The following ERG variants were observed in gnomAD, a reference collection of about 807,000 sequenced individuals.
The protein encoded by ERG is ETS transcription factor ERG.
Under a neutral mutation model 55.3 loss-of-function variants are expected in ERG, and 9 were observed. That is an observed-to-expected ratio of 0.16 (90% CI 0.10 to 0.28). The LOEUF (loss-of-function observed/expected upper bound fraction) is 0.28. Among genes scored for constraint, ERG ranks in the 10% least tolerant of loss-of-function variants. The pLI is 1.00. For synonymous variants in ERG, 223 were observed against 237.3 expected (o/e 0.94, Z 0.55); for missense variants, 434 against 631.6 (o/e 0.69, Z 3.35).
At chr21:38,646,374 C>T (rs1001521120) in intron 1 of ERG, among the ~76,000 whole-genome samples, 9 of 151,694 alleles carry the variant, frequency 5.9e-5, no homozygotes, top group Non-Finnish European at 8.8e-5. Flanking sequence ...TCCTAGAAGA[C>T]AGGGCATTGC....
Position 38,381,594 on chromosome 21 carries a change from C to T in ERG, c.*1809G>A, listed in dbSNP as rs948381426. ...CTGTAAAGTGAGAAATTGCAGCTAT[C>T]CATGACGCTTTATTTGCCAGTAATA... On this transcript the variant is annotated 3_prime_UTR_variant, in exon 10 of 10. Coordinates refer to ENST00000288319, the MANE Select transcript of ERG (RefSeq NM_182918.4). The T allele has an allele frequency of 1.0e-5, 11 of 1,062,980 alleles. No individual in the cohort carries two copies. The highest frequency in any genetic ancestry group is 1.3e-5 in the Non-Finnish European group (11 of 877,906). 65.8% of individuals were successfully genotyped at this position (1,062,980 alleles called of 1,614,324 possible).
intron 9 of ERG, among the ~76,000 whole-genome samples, chr21:38,389,960 A>T (rs763063032): frequency 3.3e-5 from 5 of 150,932 alleles, no homozygotes; most frequent in African/African-American, 4.9e-5. Context: ...TCTTGCAGGG[A>T]TGTACACTGA....
intron 1 of ERG, among the ~76,000 whole-genome samples, chr21:38,470,387 C>A (rs570641895): frequency 1.3e-5 from 2 of 152,106 alleles, no homozygotes; most frequent in Admixed American, 1.3e-4. Context: ...TATCAGGGAT[C>A]TTATATGCTG....
chr21:38,637,282 C>T (rs2060395222), intron 1 of ERG, among the ~76,000 whole-genome samples: 6 of 152,018 alleles, frequency 3.9e-5, no homozygotes, highest in Admixed American at 3.9e-4. Flanking sequence ...AGAAAATGAC[C>T]CACCTGCGAA....
At chr21:38,420,667 T>A (rs1254035700) in intron 3 of ERG, among the ~76,000 whole-genome samples, 1 of 152,190 alleles carries the variant, frequency 6.6e-6, no homozygotes, top group Non-Finnish European at 1.5e-5. Context: ...ATATCTCTCT[T>A]ATTTTCTAAA....
intron 1 of ERG, among the ~76,000 whole-genome samples, chr21:38,644,159 A>G (rs969561506): frequency 6.6e-6 from 1 of 152,214 alleles, no homozygotes; most frequent in Non-Finnish European, 1.5e-5. Flanking sequence ...CAGGAAGAGG[A>G]AGAAGTGCAG....
chr21:38,624,340 G>T (rs145304350), intron 1 of ERG, among the ~76,000 whole-genome samples: 2 of 152,304 alleles, frequency 1.3e-5, no homozygotes, highest in East Asian at 3.9e-4. Flanking sequence ...AATACCTAAT[G>T]CATGCAGGGC....
chr21:38,590,326 G>A (rs2060092269), intron 1 of ERG, among the ~76,000 whole-genome samples: 1 of 152,174 alleles, frequency 6.6e-6, no homozygotes, highest in African/African-American at 2.4e-5. Flanking sequence ...AGTGGGAATG[G>A]GGAGGAGAGC....
At chr21:38,468,645 AC>A (rs1415152626) in intron 1 of ERG, among the ~76,000 whole-genome samples, 2 of 152,008 alleles carry the variant, frequency 1.3e-5, no homozygotes, top group South Asian at 2.1e-4. Context: ...TCATCAAGCC[AC>A]CCCAACAAAC....
intron 2 of ERG, among the ~76,000 whole-genome samples, chr21:38,520,661 T>C (rs1278934805): frequency 1.3e-5 from 2 of 152,116 alleles, no homozygotes; most frequent in Non-Finnish European, 2.9e-5. Flanking sequence ...ACCGCATCAT[T>C]CTAGGGGACG....
At chr21:38,581,344 C>T (rs188688554) in intron 1 of ERG, among the ~76,000 whole-genome samples, 31 of 152,336 alleles carry the variant, frequency 2.0e-4, no homozygotes, top group Admixed American at 3.9e-4. Context: ...GCCTTAGTTA[C>T]ACATTTGCAC....
At chr21:38,546,462 A>G (rs2059788435) in intron 2 of ERG, among the ~76,000 whole-genome samples, 1 of 152,184 alleles carries the variant, frequency 6.6e-6, no homozygotes, top group Admixed American at 6.5e-5. Flanking sequence ...CTTACTATGC[A>G]ATACGTTTTC....
intron 1 of ERG, among the ~76,000 whole-genome samples, chr21:38,468,181 G>T (rs1046425270): frequency 2.0e-5 from 3 of 152,076 alleles, no homozygotes; most frequent in African/African-American, 7.2e-5. Context: ...CCTATAGGTC[G>T]GCACCTTCCT....
At chr21:38,524,681 TGATAA>T (rs1321705529) in intron 2 of ERG, among the ~76,000 whole-genome samples, 4 of 152,092 alleles carry the variant, frequency 2.6e-5, no homozygotes, top group Admixed American at 2.0e-4. Context: ...ACAGGAGCAG[TGATAA>T]GATATTAGAT....
At chr21:38,391,406 G>A (rs1028706056) in intron 8 of ERG, among the ~76,000 whole-genome samples, 15 of 152,148 alleles carry the variant, frequency 9.9e-5, no homozygotes, top group African/African-American at 3.1e-4. Flanking sequence ...AAAATTAATG[G>A]ATCACAAAGA....
chr21:38,480,591 CTTTTTTTTTTTT>C (rs544037525), intron 1 of ERG, among the ~76,000 whole-genome samples: 3 of 51,112 alleles, frequency 5.9e-5, no homozygotes, highest in Non-Finnish European at 1.0e-4. Flanking sequence ...ACTATATGGC[CTTTTTTTTTTTT>C]TTTTTTTTTT....
intron 2 of ERG, among the ~76,000 whole-genome samples, chr21:38,570,521 G>A (rs772784194): frequency 1.3e-5 from 2 of 152,138 alleles, no homozygotes; most frequent in African/African-American, 2.4e-5. Flanking sequence ...AGATGGGTAC[G>A]CCACCCTCAT....
chr21:38,548,130 G>C (rs554280591), intron 2 of ERG, among the ~76,000 whole-genome samples: 1 of 151,986 alleles, frequency 6.6e-6, no homozygotes, highest in South Asian at 2.1e-4. Flanking sequence ...TACCTGAAAA[G>C]ATGCAAATTG....
At chr21:38,609,183 CA>C (rs2060212049) in intron 1 of ERG, among the ~76,000 whole-genome samples, 1 of 152,102 alleles carries the variant, frequency 6.6e-6, no homozygotes, top group Admixed American at 6.5e-5. Context: ...GAGATCTGTC[CA>C]AACGTGGATG....
Sources: allele counts gnomAD v4.1 joint callset (sites outside exome capture counted in the v4.1 genomes callset), GRCh38; gene constraint gnomAD v4.1.1; transcripts MANE v1.5; gene names NCBI Gene and HGNC (gene_info 2026-07-23, HGNC 2026-07-21).